UPF2: variants seen among roughly 807,000 people sequenced by gnomAD.
The protein encoded by UPF2 is UPF2 regulator of nonsense mediated mRNA decay, also known as regulator of nonsense transcripts 2.
UPF2 carries 17 observed loss-of-function variants against 141.4 expected under a neutral mutation model. That is an observed-to-expected ratio of 0.12 (90% CI 0.08 to 0.18). The LOEUF (loss-of-function observed/expected upper bound fraction) is 0.18. Among genes scored for constraint, UPF2 ranks in the 10% least tolerant of loss-of-function variants. The pLI, the probability that UPF2 is intolerant of heterozygous loss-of-function variation, is 1.00. For missense variants in UPF2, 1,152 were observed against 1,515.9 expected (o/e 0.76, Z 3.99); for synonymous variants, 540 against 498.0 (o/e 1.08, Z -1.12).
Position 11,931,615 on chromosome 10 carries a change from C to T in UPF2, c.3688+26G>A, listed in dbSNP as rs1226899984. ...ATGCTCAAAAGGCAACAAAAATTTC[C>T]ACTTCTCTTATAGATGATTTTATAC... On this transcript the variant is annotated intron_variant, in intron 20 of 21. Coordinates refer to ENST00000357604, the MANE Select transcript of UPF2 (RefSeq NM_015542.4). The surrounding 1 kb of genome is among the most constrained non-coding windows in gnomAD (Gnocchi z 5.9). The T allele has an allele frequency of 2.0e-6, 3 of 1,535,532 alleles. No individual in the cohort carries two copies. Among genetic ancestry groups the T allele is most frequent in the Middle Eastern group, 1.7e-4 (1 of 5,744 alleles).
At chr10:11,962,959 A>T (rs149984159) in intron 11 of UPF2, among the ~76,000 whole-genome samples, 1 of 152,268 alleles carries the variant, frequency 6.6e-6, no homozygotes, top group East Asian at 1.9e-4. Context: ...TTATACATTA[A>T]ATCATAATGT....
At chr10:12,003,308 G>C (rs1833981898) in intron 5 of UPF2, among the ~76,000 whole-genome samples, 1 of 152,104 alleles carries the variant, frequency 6.6e-6, no homozygotes, top group South Asian at 2.1e-4. Context: ...TCTGAAAAAA[G>C]CTTAAAATGT....
intron 11 of UPF2, among the ~76,000 whole-genome samples, chr10:11,963,076 T>G (rs1833264877): frequency 6.6e-6 from 1 of 152,110 alleles, no homozygotes; most frequent in Non-Finnish European, 1.5e-5. Flanking sequence ...AATTTTATAT[T>G]CCAAGGGTCT....
chr10:11,957,684 T>G (rs1001557507), intron 12 of UPF2, among the ~76,000 whole-genome samples: 2 of 151,976 alleles, frequency 1.3e-5, no homozygotes, highest in African/African-American at 4.8e-5. Context: ...ACTCAGCTAA[T>G]TTTTGTATTT....
intron 21 of UPF2, among the ~76,000 whole-genome samples, chr10:11,929,421 G>A (rs527403852): frequency 6.6e-6 from 1 of 152,292 alleles, no homozygotes; most frequent in African/African-American, 2.4e-5. Context: ...CAGATGGCTT[G>A]AGCTCAGGAG....
chr10:11,932,525 T>G (rs1450072498), intron 19 of UPF2, among the ~76,000 whole-genome samples: 1 of 151,994 alleles, frequency 6.6e-6, no homozygotes, highest in East Asian at 1.9e-4. Context: ...TGAGACAAGT[T>G]TTACAAAAGG....
At chr10:11,926,644 G>A (rs1169326562) in intron 21 of UPF2, among the ~76,000 whole-genome samples, 1 of 152,234 alleles carries the variant, frequency 6.6e-6, no homozygotes, top group East Asian at 1.9e-4. Flanking sequence ...GATGGCAGGT[G>A]GGGATGCCAG....
chr10:12,029,253 T>C lies in UPF2; in HGVS notation c.637A>G (p.Lys213Glu). Residue 213 changes from lysine (K) to glutamate (E), a missense_variant, in exon 3 of 22, where the codon AAA becomes GAA. Physicochemically the swap from Lys to Glu is moderately conservative, Grantham distance 56. Coordinates refer to ENST00000357604, the MANE Select transcript of UPF2 (RefSeq NM_015542.4). ...CAGTTCACATCAGAGATTTTTAGTT[T>C]TGCTTCCACGATGGAAGCTACAGCT... ...AEAVASIVEAKLKISDVNCAV... is the reference protein window; with the variant it reads ...AEAVASIVEAELKISDVNCAV... The C allele has an allele frequency of 6.2e-7, 1 of 1,614,176 alleles. No individual in the cohort carries two copies. Among genetic ancestry groups the C allele is most frequent in the Non-Finnish European group, 8.5e-7 (1 of 1,180,026 alleles).
rs1834005430 is a variant in UPF2 at position 12,004,623 on chromosome 10, G to C, written c.1411C>G (p.Leu471Val). The change falls in exon 5 of 22, where the codon CTC becomes GTC. Residue 471 changes from leucine (L) to valine (V), a missense_variant. Physicochemically the swap from Leu to Val is conservative, Grantham distance 32 (BLOSUM62 1). Around this residue, in one of 4 missense-constraint regions of UPF2, gnomAD observed 739 missense variants for 1,032.2 expected, o/e 0.72. Transcript: ENST00000357604. ...DEDARNFYEN[L>V]IDLKAFVPAI... is the part of the protein sequence containing the mutation. ...GGGACAAAAGCCTTCAAATCAATGA[G>C]GTTCTCATAAAAATTCCGAGCATCT... 3.7e-6 allele frequency: 6 copies of C among 1,613,762 alleles called. No homozygotes were observed. The highest frequency in any genetic ancestry group is 4.2e-6 in the Non-Finnish European group (5 of 1,179,884).
chr10:12,007,496 A>C lies in UPF2; in HGVS notation c.1307-2769T>G, dbSNP rs186412425. Among the ~76,000 whole-genome samples the C allele has an allele frequency of 3.3e-3, 508 of 152,316 alleles. 2 individuals are homozygous for C. The highest frequency in any genetic ancestry group is 0.01 in the Middle Eastern group (3 of 294). ...AGGAATATCACAGGCACAGGACAAG[A>C]GAAAAACAGAGGAGTGATAGTTGCA... is the stretch of plus-strand genomic sequence containing the variant. On this transcript the variant is annotated intron_variant, in intron 4 of 21. Transcript: ENST00000357604.
intron 19 of UPF2, among the ~76,000 whole-genome samples, chr10:11,933,432 A>G (rs1054164707): frequency 6.6e-6 from 1 of 152,204 alleles, no homozygotes; most frequent in Non-Finnish European, 1.5e-5. Context: ...AAGTACTCTG[A>G]GTTTTCATTT....
At chr10:12,001,487 T>C (rs991453970) in intron 6 of UPF2, among the ~76,000 whole-genome samples, 189 bp downstream of exon 6, 36 of 152,194 alleles carry the variant, frequency 2.4e-4, no homozygotes, top group Non-Finnish European at 1.2e-4. Flanking sequence ...TTAAAGTTTG[T>C]AGACACACAA....
chr10:11,996,174 T>C (rs1296680760), intron 8 of UPF2, among the ~76,000 whole-genome samples: 1 of 152,186 alleles, frequency 6.6e-6, no homozygotes, highest in East Asian at 1.9e-4. Flanking sequence ...ACGAATTATT[T>C]AATGAATGAG....
intron 1 of UPF2, among the ~76,000 whole-genome samples, chr10:12,038,052 C>A (rs1230566589): frequency 6.6e-6 from 1 of 152,072 alleles, no homozygotes; most frequent in Non-Finnish European, 1.5e-5. Context: ...GTAAAACTCA[C>A]AACAACAACA....
In UPF2 at chr10:11,997,706, A is replaced by G. The variant is rs771739461; in HGVS notation, c.1810T>C (p.Leu604=). 3 of 1,613,718 alleles carry G rather than the reference A, an allele frequency of 1.9e-6. No homozygotes were observed. In the Admixed American group the frequency reaches 5.0e-5, roughly 27 times the overall value. The stretch of plus-strand genomic sequence containing the variant: ...GGAACTATGAAGAGTGCCCGTACCA[A>G]CTTCTTCCTGTTTGCTTTTGTGTTC... ...NMNTKANRKK[L]VRALFIVPRQ... The change falls in exon 8 of 22, where the codon TTG becomes CTG. Residue 604 remains leucine, a synonymous_variant. Transcript: ENST00000357604.
chr10:11,934,431 C>T (rs1231799217), intron 19 of UPF2, among the ~76,000 whole-genome samples: 1 of 152,146 alleles, frequency 6.6e-6, no homozygotes, highest in Admixed American at 6.5e-5. Context: ...CTCCTGAAAG[C>T]ACCAGGAGGC....
At chr10:11,972,381 C>CT (rs754687995) in intron 9 of UPF2, among the ~76,000 whole-genome samples, 12 of 151,984 alleles carry the variant, frequency 7.9e-5, no homozygotes, top group Non-Finnish European at 1.5e-4. Context: ...AGAAAACTCT[C>CT]TTTTTTTTAT....
chr10:11,960,383 C>T, intron 11 of UPF2, among the ~76,000 whole-genome samples: 1 of 151,708 alleles, frequency 6.6e-6, no homozygotes, highest in Non-Finnish European at 1.5e-5. Flanking sequence ...CCCATCTCTA[C>T]ATTAAAATAA....
At chr10:11,965,622 G>T (rs1833306445) in intron 10 of UPF2, among the ~76,000 whole-genome samples, 1 of 151,976 alleles carries the variant, frequency 6.6e-6, no homozygotes, top group Non-Finnish European at 1.5e-5. Context: ...ACCACTCCCG[G>T]CTAATTTTTT....
Sources: gnomAD v4.1 joint callset for allele counts (sites outside exome capture counted in the v4.1 genomes callset) on GRCh38, gnomAD v4.1.1 for gene constraint, gnomAD v4.1.1 regional missense constraint, Gnocchi (gnomAD v3.1) non-coding constraint, MANE v1.5 for transcripts, NCBI Gene and HGNC (gene_info 2026-07-23, HGNC 2026-07-21) for gene names.